CORIN: variants seen among roughly 807,000 people sequenced by gnomAD.
CORIN encodes atrial natriuretic peptide-converting enzyme.
A neutral mutation model predicts 125.3 loss-of-function variants in CORIN; 117 were observed. The observed-to-expected ratio is 0.93, with a 90% CI of 0.80 to 1.09. The LOEUF (loss-of-function observed/expected upper bound fraction) is 1.09. CORIN is among the 50% of genes least tolerant of loss of function. The pLI is 0.00. For missense variants in CORIN, 1,253 were observed against 1,306.7 expected, an observed-to-expected ratio of 0.96 and a Z score of 0.63; for synonymous variants, 450 against 466.4, an observed-to-expected ratio of 0.96 and a Z score of 0.45.
intron 21 of CORIN, among the ~76,000 whole-genome samples, chr4:47,597,998 T>C (rs1721316124): frequency 6.6e-6 from 1 of 152,032 alleles, no homozygotes; most frequent in Non-Finnish European, 1.5e-5. Context: ...GAGATGTGGG[T>C]TTTGAGTTAG....
rs768444384 is a variant in CORIN at position 47,595,924 on chromosome 4, A to AGTT, written c.2947-24_2947-22dup. ...TCACCCTGCAATAAGTAACGATGGGAGTTAGGAACTGGCATTTCAGGGCAG... is the reference window on the plus strand; with the variant it reads ...TCACCCTGCAATAAGTAACGATGGGAGTTGTTAGGAACTGGCATTTCAGGGCAG... On this transcript the variant is annotated intron_variant, in intron 21 of 21. Coordinates refer to ENST00000273857, the MANE Select transcript of CORIN (RefSeq NM_006587.4). The AGTT allele has an allele frequency of 1.1e-5, 17 of 1,593,380 alleles. No individual in the cohort carries two copies. The Middle Eastern group carries it at 6.8e-4, about 63-fold the overall frequency.
intron 2 of CORIN, chr4:47,790,149 C>CCACAG: frequency 1.1e-6 from 1 of 904,432 alleles, no homozygotes; most frequent in African/African-American, 1.9e-5. Context: ...AGGTTTAAAT[C>CCACAG]CCATCTCTAC....
intron 9 of CORIN, 109 bp downstream of exon 9, chr4:47,677,829 G>T: frequency 1.3e-6 from 1 of 758,586 alleles, no homozygotes; most frequent in Non-Finnish European, 2.3e-6. Context: ...TAGGCAATCT[G>T]GGATTATTTA....
chr4:47,739,232 A>T (rs1338366024), intron 5 of CORIN, among the ~76,000 whole-genome samples: 1 of 152,056 alleles, frequency 6.6e-6, no homozygotes, highest in African/African-American at 2.4e-5. Context: ...ACTCTAAAGG[A>T]TCTACACTTA....
chr4:47,635,079 T>C (rs1304590044), intron 16 of CORIN, among the ~76,000 whole-genome samples: 1 of 152,208 alleles, frequency 6.6e-6, no homozygotes, highest in Non-Finnish European at 1.5e-5. Flanking sequence ...TTATTAATGA[T>C]ACAATGGGTT....
chr4:47,689,690 G>T (rs144235861), intron 6 of CORIN, among the ~76,000 whole-genome samples: 1 of 152,150 alleles, frequency 6.6e-6, no homozygotes, highest in South Asian at 2.1e-4. Flanking sequence ...TATTCTAGGA[G>T]CCAGTTATAG....
intron 10 of CORIN, among the ~76,000 whole-genome samples, chr4:47,672,202 C>A (rs1366716315): frequency 6.6e-6 from 1 of 152,202 alleles, no homozygotes; most frequent in Admixed American, 6.5e-5. Flanking sequence ...GCCCAGCGCC[C>A]ATCCCGATGC....
chr4:47,809,641 C>T (rs1024265111), intron 1 of CORIN, among the ~76,000 whole-genome samples: 1 of 151,974 alleles, frequency 6.6e-6, no homozygotes, highest in Admixed American at 6.6e-5. Context: ...CTCCTGACCC[C>T]GTGATCCACC....
chr4:47,696,421 C>A (rs1726008894), intron 5 of CORIN, among the ~76,000 whole-genome samples: 1 of 151,856 alleles, frequency 6.6e-6, no homozygotes, highest in Non-Finnish European at 1.5e-5. Context: ...CTACTATGTG[C>A]AAAGTACTAT....
At chr4:47,627,698 C>T (rs1722636936) in intron 16 of CORIN, among the ~76,000 whole-genome samples, 1 of 152,192 alleles carries the variant, frequency 6.6e-6, no homozygotes, top group Admixed American at 6.5e-5. Context: ...AGAGGCCACA[C>T]ATACTGGTCA....
chr4:47,793,716 T>C (rs1254429912), intron 2 of CORIN, among the ~76,000 whole-genome samples: 2 of 152,080 alleles, frequency 1.3e-5, no homozygotes, highest in Non-Finnish European at 2.9e-5. Context: ...ATGCAGCACA[T>C]TGGATAAAAA....
intron 13 of CORIN, among the ~76,000 whole-genome samples, chr4:47,648,494 A>G (rs780808023): frequency 6.6e-6 from 1 of 152,088 alleles, no homozygotes; most frequent in Non-Finnish European, 1.5e-5. Context: ...TGCTTACTCT[A>G]TCTCTCATTT....
At chr4:47,668,025 A>G (rs1296314780) in intron 10 of CORIN, among the ~76,000 whole-genome samples, 1 of 152,158 alleles carries the variant, frequency 6.6e-6, no homozygotes, top group African/African-American at 2.4e-5. Flanking sequence ...CTCTTTTCAC[A>G]GTGTGAGAAT....
At chr4:47,809,580 G>A (rs999918473) in intron 1 of CORIN, among the ~76,000 whole-genome samples, 46 of 151,580 alleles carry the variant, frequency 3.0e-4, no homozygotes, top group African/African-American at 1.1e-3. Flanking sequence ...AATTTTTTGT[G>A]CATTTTTAAT....
intron 4 of CORIN, among the ~76,000 whole-genome samples, chr4:47,751,801 A>C (rs559498322): frequency 9.0e-4 from 137 of 152,298 alleles, no homozygotes; most frequent in Middle Eastern, 3.4e-3. Flanking sequence ...GTAACCCAGC[A>C]TCTAGCAGTG....
intron 13 of CORIN, chr4:47,652,521 T>C (rs1446804457): frequency 6.6e-6 from 1 of 152,232 alleles, no homozygotes; most frequent in African/African-American, 2.4e-5. Flanking sequence ...TGGATAGATC[T>C]TCAATCATTT....
intron 5 of CORIN, among the ~76,000 whole-genome samples, chr4:47,731,755 G>A (rs1727881907): frequency 6.6e-6 from 1 of 152,042 alleles, no homozygotes; most frequent in East Asian, 1.9e-4. Flanking sequence ...TGTAGTCTCA[G>A]CTACTTGGGA....
At chr4:47,625,388 C>T (rs922667157) in intron 17 of CORIN, among the ~76,000 whole-genome samples, 2 of 151,794 alleles carry the variant, frequency 1.3e-5, no homozygotes, top group South Asian at 2.1e-4. Flanking sequence ...TAAACCAGGA[C>T]TAGAACCAAG....
chr4:47,749,968 A>G (rs559776612), intron 4 of CORIN, among the ~76,000 whole-genome samples: 4 of 152,332 alleles, frequency 2.6e-5, no homozygotes, highest in African/African-American at 9.6e-5. Context: ...AAGCCTAAAC[A>G]GATTTTCATA....
Sources: gnomAD v4.1 joint callset for allele counts (sites outside exome capture counted in the v4.1 genomes callset) on GRCh38, gnomAD v4.1.1 for gene constraint, MANE v1.5 for transcripts, NCBI Gene and HGNC (gene_info 2026-07-23, HGNC 2026-07-21) for gene names.